Variants in LHPP observed in about 807,000 individuals in gnomAD.
LHPP encodes the protein phospholysine phosphohistidine inorganic pyrophosphate phosphatase, also known as hLHPP.
In LHPP, 24 loss-of-function variants were observed where a neutral mutation model predicts 30.3. That is an observed-to-expected ratio of 0.79 (90% confidence interval 0.57 to 1.11). The LOEUF is 1.11. LHPP is among the 50% of genes most tolerant of loss of function. The pLI is 0.00. For synonymous variants in LHPP, 150 were observed against 157.1 expected (o/e 0.95, Z 0.34); for missense variants, 356 against 367.2 (o/e 0.97, Z 0.25).
intron 1 of LHPP, among the ~76,000 whole-genome samples, chr10:124,479,783 G>C (rs767152016): frequency 3.3e-5 from 5 of 152,222 alleles, no homozygotes; most frequent in Non-Finnish European, 7.3e-5. Flanking sequence ...GTCACATTGG[G>C]GGTTAGGACT....
chr10:124,583,114 GT>G (rs1342437922), intron 6 of LHPP, among the ~76,000 whole-genome samples: 12 of 152,056 alleles, frequency 7.9e-5, no homozygotes, highest in Admixed American at 5.2e-4. Context: ...TCTTGATGTT[GT>G]TTTTTAAAGC....
intron 6 of LHPP, among the ~76,000 whole-genome samples, chr10:124,561,175 G>T (rs1175558963): frequency 6.6e-6 from 1 of 152,174 alleles, no homozygotes; most frequent in African/African-American, 2.4e-5. Flanking sequence ...GGCACCTGGC[G>T]AGACAGAAAA....
intron 6 of LHPP, among the ~76,000 whole-genome samples, chr10:124,566,410 G>C (rs1948491320): frequency 6.6e-6 from 1 of 152,178 alleles, no homozygotes; most frequent in Non-Finnish European, 1.5e-5. Flanking sequence ...AGCCTCCTCT[G>C]GTGTCCTCTG....
At chr10:124,595,470 C>T (rs1447925090) in intron 6 of LHPP, among the ~76,000 whole-genome samples, 1 of 152,236 alleles carries the variant, frequency 6.6e-6, no homozygotes, top group Non-Finnish European at 1.5e-5. Flanking sequence ...CCATAGAAGG[C>T]CATTCACGTC....
At position 124,596,387 on chromosome 10, in the gene LHPP, A is replaced by G. The variant is rs1029435348; in HGVS notation, c.717-16877A>G. On this transcript the variant is annotated intron_variant, in intron 6 of 6. Coordinates refer to ENST00000368842, the MANE Select transcript of LHPP (RefSeq NM_022126.4). This position sits in a 1 kb window ranked among gnomAD's most constrained non-coding sequence, Gnocchi z 4.6. ...CTCCCGCCAGCCTCGCTGAGTTCCC[A>G]TAGCACCATGTCTTCTGCAGCACAC... Among the ~76,000 whole-genome samples the G allele has an allele frequency of 2.0e-5, 3 of 152,182 alleles. No individual in the cohort carries two copies. Among genetic ancestry groups the G allele is most frequent in the African/African-American group, 4.8e-5 (2 of 41,438 alleles).
chr10:124,563,328 T>TTTTCATAAAATCCA (rs1948432255), intron 6 of LHPP, among the ~76,000 whole-genome samples: 1 of 150,054 alleles, frequency 6.7e-6, no homozygotes. Flanking sequence ...TTTTTTTTTT[T>TTTTCATAAAATCCA]GCATAAAATC....
At chr10:124,479,662 T>C (rs1038840878) in intron 1 of LHPP, among the ~76,000 whole-genome samples, 2 of 152,056 alleles carry the variant, frequency 1.3e-5, no homozygotes, top group South Asian at 4.1e-4. Context: ...TTCATGAGGG[T>C]GCTCTCTGGT....
Position 124,517,420 on chromosome 10 carries a change from T to A in LHPP, c.716+149T>A. ...CACTATCTTGTATGTAATGGACCTC[T>A]AAGAACAGGGCTGAGTGGTCTTTTA... On this transcript the variant is annotated intron_variant, in intron 6 of 6. Coordinates refer to ENST00000368842, the MANE Select transcript of LHPP (RefSeq NM_022126.4). This position sits in a 1 kb window ranked among gnomAD's most constrained non-coding sequence, Gnocchi z 4.1. 1 of 527,464 alleles carries A rather than the reference T, an allele frequency of 1.9e-6. No individual in the cohort carries two copies. Among genetic ancestry groups the A allele is most frequent in the Non-Finnish European group, 3.3e-6 (1 of 303,196 alleles). The allele number at this position is 527,464 out of a possible 1,614,324, so 32.7% of individuals were successfully genotyped here.
chr10:124,540,361 G>T (rs1331426170), intron 6 of LHPP, among the ~76,000 whole-genome samples: 4 of 152,220 alleles, frequency 2.6e-5, no homozygotes, highest in Admixed American at 2.6e-4. Flanking sequence ...ACCCAGCCTG[G>T]TTTCTCCCGC....
At chr10:124,572,273 G>A (rs1272591932) in intron 6 of LHPP, among the ~76,000 whole-genome samples, 1 of 152,172 alleles carries the variant, frequency 6.6e-6, no homozygotes, top group African/African-American at 2.4e-5. Context: ...GGAGGCTTTT[G>A]CAGTAACCGA....
chr10:124,505,272 G>GA (rs1314700446), intron 5 of LHPP, among the ~76,000 whole-genome samples: 1 of 152,186 alleles, frequency 6.6e-6, no homozygotes, highest in African/African-American at 2.4e-5. Flanking sequence ...TATGCACAGG[G>GA]TAATAATTCT....
At chr10:124,544,043 G>T (rs1691089782) in intron 6 of LHPP, among the ~76,000 whole-genome samples, 2 of 152,380 alleles carry the variant, frequency 1.3e-5, no homozygotes, top group Admixed American at 1.3e-4. Flanking sequence ...TCCCAGAGCT[G>T]CCGCACCCTG....
At position 124,613,398 on chromosome 10, in the gene LHPP, C is replaced by T; in HGVS notation, c.*38C>T. 3 of 1,209,286 alleles carry T rather than the reference C, an allele frequency of 2.5e-6. No individual in the cohort carries two copies. The highest frequency in any genetic ancestry group is 2.3e-5 in the East Asian group (1 of 44,030). 74.9% of individuals were successfully genotyped at this position (1,209,286 alleles called of 1,614,324 possible). On this transcript the variant is annotated 3_prime_UTR_variant, in exon 7 of 7. Coordinates refer to ENST00000368842, the MANE Select transcript of LHPP (RefSeq NM_022126.4). ...AGAGCCCCGCCTCCTCCACCCCTGC[C>T]TCTCCTCCACCCCTGCCTCCCCTCC...
chr10:124,599,084 G>A (rs542660488), intron 6 of LHPP, among the ~76,000 whole-genome samples: 1 of 150,736 alleles, frequency 6.6e-6, no homozygotes, highest in African/African-American at 2.4e-5. Flanking sequence ...CCCTGATGCA[G>A]TGCCTGCCGT....
chr10:124,505,006 A>T (rs1308811333), intron 5 of LHPP, among the ~76,000 whole-genome samples: 3 of 152,050 alleles, frequency 2.0e-5, no homozygotes, highest in Non-Finnish European at 4.4e-5. Context: ...CTGGAGAGCG[A>T]AAGACTTGTT....
intron 6 of LHPP, among the ~76,000 whole-genome samples, chr10:124,610,923 CGGGCGAGGGTGA>C (rs1194428663): frequency 1.7e-5 from 1 of 58,764 alleles, no homozygotes; most frequent in Admixed American, 2.0e-4. Context: ...GCTGATGGAG[CGGGCGAGGGTGA>C]GGGTGAGGGT....
intron 1 of LHPP, among the ~76,000 whole-genome samples, chr10:124,483,361 A>C (rs1953203231): frequency 6.6e-6 from 1 of 152,174 alleles, no homozygotes; most frequent in African/African-American, 2.4e-5. Flanking sequence ...TGGAAATGCC[A>C]AATGTGGTGG....
intron 2 of LHPP, 119 bp downstream of exon 2, chr10:124,484,445 C>T: frequency 1.0e-6 from 1 of 993,348 alleles, no homozygotes; most frequent in Non-Finnish European, 1.5e-6. Flanking sequence ...GCCACCAACA[C>T]TCATGGGTTG....
chr10:124,498,660 CTTTTTTTTTTT>C (rs552228070), intron 5 of LHPP: 19 of 354,448 alleles, frequency 5.4e-5, no homozygotes, highest in East Asian at 2.4e-4. Context: ...TTTTCTTTTT[CTTTTTTTTTTT>C]TTTTTTTTTT....
Sources: gnomAD v4.1 joint callset for allele counts (sites outside exome capture counted in the v4.1 genomes callset) on GRCh38, gnomAD v4.1.1 for gene constraint, Gnocchi (gnomAD v3.1) non-coding constraint, MANE v1.5 for transcripts, NCBI Gene and HGNC (gene_info 2026-07-23, HGNC 2026-07-21) for gene names.